ADGRF5: variants seen among roughly 807,000 people sequenced by gnomAD.
The protein encoded by ADGRF5 is adhesion G protein-coupled receptor F5.
A neutral mutation model predicts 132.3 loss-of-function variants in ADGRF5; 75 were observed. The observed-to-expected ratio is 0.57, with a 90% CI of 0.47 to 0.69. The LOEUF (loss-of-function observed/expected upper bound fraction) is 0.69, where lower values mean the gene tolerates loss of function less well. ADGRF5 is among the 30% of genes least tolerant of loss of function. The pLI is 0.00. For missense variants in ADGRF5, 1,516 were observed against 1,630.6 expected, an observed-to-expected ratio of 0.93 and a Z score of 1.21; for synonymous variants, 629 against 597.6, an observed-to-expected ratio of 1.05 and a Z score of -0.77.
intron 1 of ADGRF5, among the ~76,000 whole-genome samples, chr6:46,920,529 G>GGC (rs1554212986): frequency 4.4e-5 from 6 of 136,204 alleles, no homozygotes; most frequent in Non-Finnish European, 7.9e-5. Flanking sequence ...TAATATTTGG[G>GGC]GGGGGGGAAG....
At chr6:46,925,479 G>A (rs35858207), upstream of ADGRF5, among the ~76,000 whole-genome samples, 17,509 of 152,188 alleles carry the variant, frequency 0.12, 1,139 homozygotes, top group Non-Finnish European at 0.14. Flanking sequence ...CTCCTAAGTC[G>A]AGTGCAGTGG....
chr6:46,952,991 G>A (rs935119337), intron 1 of ADGRF5, among the ~76,000 whole-genome samples: 1 of 152,160 alleles, frequency 6.6e-6, no homozygotes, highest in African/African-American at 2.4e-5. Context: ...GTCCCAGGCA[G>A]GGAGGACAGC....
At position 46,882,060 on chromosome 6, in the gene ADGRF5, C is replaced by T; in HGVS notation, c.660G>A (p.Val220=). 2 of 1,609,036 alleles carry T rather than the reference C, an allele frequency of 1.2e-6. No individual in the cohort carries two copies. The stretch of plus-strand genomic sequence containing the variant: ...TAAAGTATTCTTACTTGAACCCTGT[C>T]ACAGTCACGCCCTTGAAGCCTGGTA... ...GILPGFKGVT[V]TGFKSGSVVV... is the part of the protein sequence containing the mutation. Residue 220 remains valine, a synonymous_variant, in exon 7 of 21, where the codon GTG becomes GTA. Coordinates refer to ENST00000283296, the MANE Select transcript of ADGRF5 (RefSeq NM_001098518.2).
chr6:46,940,012 T>G (rs1208631983), intron 1 of ADGRF5, among the ~76,000 whole-genome samples: 1 of 144,528 alleles, frequency 6.9e-6, no homozygotes, highest in Non-Finnish European at 1.5e-5. Context: ...TTATGTGGAT[T>G]TTTTTTTTCA....
intron 1 of ADGRF5, among the ~76,000 whole-genome samples, chr6:46,954,370 A>G (rs900366917): frequency 4.0e-5 from 6 of 151,250 alleles, no homozygotes; most frequent in Non-Finnish European, 7.4e-5. Flanking sequence ...TAAAGAAATC[A>G]TGGTAGAGGT....
chr6:46,946,143 T>G (rs1778293340), intron 1 of ADGRF5, among the ~76,000 whole-genome samples: 1 of 151,874 alleles, frequency 6.6e-6, no homozygotes, highest in Admixed American at 6.6e-5. Context: ...GGAGAAGAGG[T>G]GGCTGGCCCC....
At chr6:46,866,720 T>C (rs975185610) in intron 13 of ADGRF5, among the ~76,000 whole-genome samples, 2 of 151,960 alleles carry the variant, frequency 1.3e-5, no homozygotes, top group Non-Finnish European at 2.9e-5. Context: ...GCTCCACCAT[T>C]GCAAACTCCC....
chr6:46,881,947 G>A, intron 7 of ADGRF5, 102 bp downstream of exon 7: 1 of 889,134 alleles, frequency 1.1e-6, no homozygotes, highest in Non-Finnish European at 1.9e-6. Flanking sequence ...TGCTCCTGCT[G>A]AGGATTCCAC....
In ADGRF5 at chr6:46,921,214, TC is replaced by T. The variant is rs1776904713; in HGVS notation, c.-25+498del. Among the ~76,000 whole-genome samples, 4 of 152,280 alleles carry T rather than the reference TC, an allele frequency of 2.6e-5. No individual in the cohort carries two copies. In the South Asian group the frequency reaches 8.3e-4, roughly 32 times the overall value. ...CCTACATTTTACATTTCTAAGGTCA[TC>T]CCTTGTCCTTTGGAAGGACTCTCCC... is the stretch of plus-strand genomic sequence containing the variant. On this transcript the variant is annotated intron_variant, in intron 1 of 20. Transcript: ENST00000283296.
intron 3 of ADGRF5, among the ~76,000 whole-genome samples, chr6:46,892,667 A>G (rs1293865957): frequency 6.6e-6 from 1 of 152,026 alleles, no homozygotes; most frequent in Non-Finnish European, 1.5e-5. Context: ...GGAGAATCAC[A>G]CGAACCCTGG....
intron 1 of ADGRF5, among the ~76,000 whole-genome samples, chr6:46,914,894 C>T (rs1189908437): frequency 6.6e-6 from 1 of 151,550 alleles, no homozygotes; most frequent in Non-Finnish European, 1.5e-5. Flanking sequence ...CTCACTGAGA[C>T]ACCCTGGCTG....
chr6:46,875,197 G>A (rs547448559), intron 10 of ADGRF5, among the ~76,000 whole-genome samples: 2 of 152,100 alleles, frequency 1.3e-5, no homozygotes, highest in South Asian at 2.1e-4. Flanking sequence ...GCTCCAAAGA[G>A]GTGGTAAACT....
chr6:46,926,640 T>C (rs1777263236), upstream of ADGRF5, among the ~76,000 whole-genome samples: 2 of 152,272 alleles, frequency 1.3e-5, no homozygotes, highest in Admixed American at 6.5e-5. Flanking sequence ...AGAGATGACA[T>C]GCTGTCTATG....
chr6:46,881,090 G>A (rs748673357), intron 8 of ADGRF5, among the ~76,000 whole-genome samples: 46 of 152,198 alleles, frequency 3.0e-4, no homozygotes, highest in Non-Finnish European at 5.4e-4. Context: ...ACAGAGGGCT[G>A]CACTCTGAGG....
Position 46,888,399 on chromosome 6 carries a change from A to G in ADGRF5, c.264T>C (p.Ser88=). The change falls in exon 4 of 21, where the codon AGT becomes AGC. Residue 88 remains serine (S), a synonymous_variant. Transcript: ENST00000283296. The part of the protein sequence containing the change: ...DPIKAYLNSL[S]FPIHGNNTDQ... ...CAGTGTTATTCCCATGAATTGGAAA[A>G]CTGAGGCTGTTCAAGTAGGCTTTGA... is the stretch of plus-strand genomic sequence containing the variant. 1.9e-6 allele frequency: 3 copies of G among 1,612,320 alleles called. No individual in the cohort carries two copies. The South Asian group carries it at 3.3e-5, about 18-fold the overall frequency.
chr6:46,930,265 T>C (rs1777492621), intron 1 of ADGRF5, among the ~76,000 whole-genome samples: 1 of 152,200 alleles, frequency 6.6e-6, no homozygotes. Flanking sequence ...AAACTGTCAC[T>C]TCTGTAGCAG....
chr6:46,914,267 T>G (rs961881388), intron 1 of ADGRF5, among the ~76,000 whole-genome samples: 1 of 152,210 alleles, frequency 6.6e-6, no homozygotes, highest in Non-Finnish European at 1.5e-5. Context: ...TAAAAAACCC[T>G]TAAGTGTAAC....
chr6:46,862,967 T>C lies in ADGRF5; in HGVS notation c.2120A>G (p.Lys707Arg). ...CTCCTCCCACTGGGAGCCTACACAT[T>C]TGTAAGTGATGGTCCCGCCAATGGG... ...ESPIGGTITYKCVGSQWEEKR... is the reference protein window; with the variant it reads ...ESPIGGTITYRCVGSQWEEKR... Residue 707 changes from lysine to arginine, a missense_variant, in exon 15 of 21, where the codon AAA becomes AGA. This residue lies in a region of ADGRF5 where 945 missense variants were observed against 929.4 expected (regional missense o/e 1.02). Coordinates refer to ENST00000283296, the MANE Select transcript of ADGRF5 (RefSeq NM_001098518.2). The C allele has an allele frequency of 6.2e-7, 1 of 1,613,464 alleles. No individual in the cohort carries two copies. Among genetic ancestry groups the C allele is most frequent in the Non-Finnish European group, 8.5e-7 (1 of 1,179,736 alleles).
rs115229217 is a variant in ADGRF5 at position 46,889,940 on chromosome 6, T to C, written c.158-1435A>G. ...AAGAGCTCACCACATTATAAATAAA[T>C]GACGAATCAATTCTTGTTAAACCTG... On this transcript the variant is annotated intron_variant, in intron 3 of 20. Coordinates refer to ENST00000283296, the MANE Select transcript of ADGRF5 (RefSeq NM_001098518.2). Among the ~76,000 whole-genome samples, 1,310 of 152,050 alleles carry C rather than the reference T, an allele frequency of 8.6e-3. 20 individuals carry two copies. Among genetic ancestry groups the C allele is most frequent in the African/African-American group, 0.029 (1,188 of 41,440 alleles).
Sources: gnomAD v4.1 joint callset for allele counts (sites outside exome capture counted in the v4.1 genomes callset) on GRCh38, gnomAD v4.1.1 for gene constraint, gnomAD v4.1.1 regional missense constraint, MANE v1.5 for transcripts, NCBI Gene and HGNC (gene_info 2026-07-23, HGNC 2026-07-21) for gene names.